Variants in CACNA1I observed in about 807,000 individuals in gnomAD.
CACNA1I encodes calcium voltage-gated channel subunit alpha1 I, also known as voltage-dependent T-type calcium channel subunit alpha-1I.
Under a neutral mutation model 201.6 loss-of-function variants are expected in CACNA1I, and 74 were observed. That is an observed-to-expected ratio of 0.37 (90% CI 0.30 to 0.45). The LOEUF (loss-of-function observed/expected upper bound fraction) is 0.45. Among genes scored for constraint, CACNA1I ranks in the 20% least tolerant of loss-of-function variants. The pLI, the probability that CACNA1I is intolerant of heterozygous loss-of-function variation, is 1.00. For synonymous variants in CACNA1I, 1,431 were observed against 1,345.2 expected (o/e 1.06, Z -1.40); for missense variants, 2,346 against 3,138.1 (o/e 0.75, Z 6.03).
intron 10 of CACNA1I, among the ~76,000 whole-genome samples, chr22:39,655,388 C>T (rs1318560073): frequency 6.6e-6 from 1 of 152,156 alleles, no homozygotes; most frequent in Non-Finnish European, 1.5e-5. Context: ...TGCCCCCTAC[C>T]TCCTGCCTCT....
chr22:39,671,626 G>C (rs1935381713), intron 26 of CACNA1I, among the ~76,000 whole-genome samples: 2 of 152,126 alleles, frequency 1.3e-5, no homozygotes, highest in South Asian at 4.1e-4. Context: ...GGAAGAAGAG[G>C]GAAGCAGAGC....
chr22:39,686,079 G>GGCGGGGGCGCGGGCA lies in CACNA1I; in HGVS notation c.6350_6364dup (p.Gly2117_Ser2121dup). Reference sequence around the variant, plus strand: ...CGAGGAGGGCCGCGGTGGCGCGGGCGGCGGGGGCGCGGGCAGCGAGCACTC... The same window carrying GGCGGGGGCGCGGGCA: ...CGAGGAGGGCCGCGGTGGCGCGGGCGGCGGGGGCGCGGGCAGCGGGGGCGCGGGCAGCGAGCACTC... On this transcript the variant is annotated inframe_insertion, in exon 37 of 37. Coordinates refer to ENST00000402142, the MANE Select transcript of CACNA1I (RefSeq NM_021096.4). 1 of 1,235,824 alleles carries GGCGGGGGCGCGGGCA rather than the reference G, an allele frequency of 8.1e-7. No individual in the cohort carries two copies. The highest frequency in any genetic ancestry group is 1.0e-6 in the Non-Finnish European group (1 of 992,762). 76.6% of individuals were successfully genotyped at this position (1,235,824 alleles called of 1,614,324 possible).
chr22:39,585,051 T>A (rs1353217429), intron 1 of CACNA1I, among the ~76,000 whole-genome samples: 1 of 152,222 alleles, frequency 6.6e-6, no homozygotes, highest in Non-Finnish European at 1.5e-5. Context: ...TTTCTAGTTC[T>A]ATGCTTTTTA....
intron 1 of CACNA1I, among the ~76,000 whole-genome samples, chr22:39,590,486 A>G (rs536519097): frequency 6.6e-6 from 1 of 152,230 alleles, no homozygotes; most frequent in Admixed American, 6.5e-5. Flanking sequence ...CTCACCACTG[A>G]CCCAGCCTCC....
At chr22:39,616,198 A>C (rs1188527282) in intron 3 of CACNA1I, among the ~76,000 whole-genome samples, 1 of 152,122 alleles carries the variant, frequency 6.6e-6, no homozygotes, top group East Asian at 1.9e-4. Flanking sequence ...GGGAGCTTCA[A>C]ATGCACTGCC....
intron 4 of CACNA1I, among the ~76,000 whole-genome samples, chr22:39,626,591 G>A (rs979727705): frequency 3.9e-5 from 6 of 152,128 alleles, no homozygotes; most frequent in African/African-American, 1.4e-4. Context: ...ATAATCATAA[G>A]TGGCTAAAGT....
In CACNA1I at chr22:39,647,981, C is replaced by A. The variant is rs761674157; in HGVS notation, c.1567+55C>A. The A allele has an allele frequency of 3.4e-6, 5 of 1,472,566 alleles. No homozygotes were observed. The African/African-American group carries it at 6.9e-5, about 20-fold the overall frequency. The allele number at this position is 1,472,566 out of a possible 1,614,324, so 91.2% of individuals were successfully genotyped here. A position where few individuals can be genotyped will look rare whatever the true frequency, so the allele number is the denominator to read the frequency against. ...GCCCCCAGCCCCAATACCACTTCTC[C>A]CAGTTGGTGCTGAGAAGGAAGTCGG... On this transcript the variant is annotated intron_variant, in intron 9 of 36. Transcript: ENST00000402142.
chr22:39,642,502 C>T (rs1266981683), intron 6 of CACNA1I, among the ~76,000 whole-genome samples: 1 of 152,192 alleles, frequency 6.6e-6, no homozygotes, highest in Non-Finnish European at 1.5e-5. Flanking sequence ...CAGGGGCAGG[C>T]TCCCTGCTTT....
chr22:39,653,692 T>G lies in CACNA1I; in HGVS notation c.1992+3767T>G, dbSNP rs12170753. Among the ~76,000 whole-genome samples the G allele has an allele frequency of 5.7e-3, 866 of 152,174 alleles. 9 individuals are homozygous for G. Among genetic ancestry groups the G allele is most frequent in the African/African-American group, 0.02 (818 of 41,508 alleles). ...GTGACATCTGTGAAGTGGGGCAGAG[T>G]GACCTCAGGCCTGGTCACAGGGTGC... On this transcript the variant is annotated intron_variant, in intron 10 of 36. Transcript: ENST00000402142.
chr22:39,617,260 A>G (rs1460981601), intron 3 of CACNA1I, among the ~76,000 whole-genome samples: 3 of 152,212 alleles, frequency 2.0e-5, no homozygotes, highest in South Asian at 2.1e-4. Context: ...AGCGCCTGCC[A>G]GAGCTGGGCA....
intron 4 of CACNA1I, among the ~76,000 whole-genome samples, chr22:39,631,920 A>G (rs930626932): frequency 6.6e-6 from 1 of 151,810 alleles, no homozygotes; most frequent in Non-Finnish European, 1.5e-5. Flanking sequence ...TAAGTCCTTA[A>G]TTAGCTAATT....
rs919177128 is a variant in CACNA1I at position 39,684,054 on chromosome 22, A to G, written c.5831-248A>G. Among the ~76,000 whole-genome samples the G allele has an allele frequency of 2.0e-5, 3 of 152,096 alleles. No homozygotes were observed. Among genetic ancestry groups the G allele is most frequent in the African/African-American group, 7.2e-5 (3 of 41,416 alleles). ...CTTGAGCCCGCGTCTGCTTGCCTCC[A>G]AAAGCTGTGTCTTTGCCCAGGGCCC... is the stretch of plus-strand genomic sequence containing the variant. On this transcript the variant is annotated intron_variant, in intron 35 of 36. Transcript: ENST00000402142. The surrounding 1 kb of genome is among the most constrained non-coding windows in gnomAD (Gnocchi z 4.6).
chr22:39,598,888 A>T (rs1424869747), intron 2 of CACNA1I, among the ~76,000 whole-genome samples: 2 of 146,108 alleles, frequency 1.4e-5, no homozygotes, highest in East Asian at 4.0e-4. Context: ...ACTCGGTGCA[A>T]CTCCCTGGGA....
At position 39,676,876 on chromosome 22, in the gene CACNA1I, C is replaced by A. The variant is rs1016159272; in HGVS notation, c.4855-465C>A. ...TCCCTTCGTTCATCCATCCATTCAA[C>A]CTTGGTAGCCACTCAAGGCGTGTAG... On this transcript the variant is annotated intron_variant, in intron 29 of 36. Coordinates refer to ENST00000402142, the MANE Select transcript of CACNA1I (RefSeq NM_021096.4). The surrounding 1 kb of genome is among the most constrained non-coding windows in gnomAD (Gnocchi z 4.8). Among the ~76,000 whole-genome samples, 2 of 152,210 alleles carry A rather than the reference C, an allele frequency of 1.3e-5. No homozygotes were observed. The highest frequency in any genetic ancestry group is 2.4e-5 in the African/African-American group (1 of 41,442).
At chr22:39,605,373 G>C (rs1026762596) in intron 3 of CACNA1I, among the ~76,000 whole-genome samples, 1 of 152,174 alleles carries the variant, frequency 6.6e-6, no homozygotes, top group African/African-American at 2.4e-5. Flanking sequence ...TGCCTCACCA[G>C]GCGGCTGGTC....
Position 39,685,752 on chromosome 22 carries a change from T to C in CACNA1I, c.6028-9T>C. ...ACAGGCGGCCTCCACGGCTCCCACC[T>C]CCCCCCAGGCCACCGGGAGCGACAC... On this transcript the variant is annotated splice_polypyrimidine_tract_variant and intron_variant, in intron 36 of 36. Transcript: ENST00000402142. This position sits in a 1 kb window ranked among gnomAD's most constrained non-coding sequence, Gnocchi z 5.0. 2 of 1,458,838 alleles carry C rather than the reference T, an allele frequency of 1.4e-6. No homozygotes were observed. Among genetic ancestry groups the C allele is most frequent in the Non-Finnish European group, 9.0e-7 (1 of 1,113,862 alleles). The allele number at this position is 1,458,838 out of a possible 1,614,324, so 90.4% of individuals were successfully genotyped here. A position where few individuals can be genotyped will look rare whatever the true frequency, so the allele number is the denominator to read the frequency against.
At chr22:39,675,599 C>A (rs1935493646) in intron 29 of CACNA1I, among the ~76,000 whole-genome samples, 1 of 152,244 alleles carries the variant, frequency 6.6e-6, no homozygotes, top group African/African-American at 2.4e-5. Flanking sequence ...TTTGCTGTTG[C>A]TCATGTTGTT....
At chr22:39,593,227 T>TC (rs973577182) in intron 1 of CACNA1I, among the ~76,000 whole-genome samples, 4 of 152,210 alleles carry the variant, frequency 2.6e-5, no homozygotes, top group African/African-American at 9.7e-5. Context: ...TCTGGGCTGC[T>TC]CGGGGACTGG....
intron 1 of CACNA1I, among the ~76,000 whole-genome samples, chr22:39,576,915 C>A (rs1332609538): frequency 6.6e-6 from 1 of 152,160 alleles, no homozygotes; most frequent in Non-Finnish European, 1.5e-5. Context: ...CAGCTCTCTG[C>A]CTGCCAGTGC....
Sources: allele counts gnomAD v4.1 joint callset (sites outside exome capture counted in the v4.1 genomes callset), GRCh38; gene constraint gnomAD v4.1.1; non-coding constraint Gnocchi (gnomAD v3.1); transcripts MANE v1.5; gene names NCBI Gene and HGNC (gene_info 2026-07-23, HGNC 2026-07-21).